SMARCB1: variants seen among roughly 807,000 people sequenced by gnomAD.
SMARCB1 encodes the protein SWI/SNF-related matrix-associated actin-dependent regulator of chromatin subfamily B member 1.
SMARCB1 carries 5 observed loss-of-function variants against 49.0 expected under a neutral mutation model. That is an observed-to-expected ratio of 0.10 (90% confidence interval 0.05 to 0.21). The LOEUF is 0.21. Ranked by LOEUF, SMARCB1 falls within the 10% of genes least tolerant of loss-of-function variation. The pLI is 1.00. For synonymous variants in SMARCB1, 201 were observed against 200.1 expected, an observed-to-expected ratio of 1.00 and a Z score of -0.04; for missense variants, 226 against 509.2, an observed-to-expected ratio of 0.44 and a Z score of 5.35.
intron 6 of SMARCB1, chr22:23,817,754 T>A (rs1184238342): frequency 6.6e-6 from 1 of 152,226 alleles, no homozygotes; most frequent in Non-Finnish European, 1.5e-5. Context: ...GGCACTTTAC[T>A]AAGATTTTGG....
intron 5 of SMARCB1, among the ~76,000 whole-genome samples, chr22:23,810,578 T>TTGAGACA: frequency 6.9e-6 from 1 of 145,232 alleles, no homozygotes; most frequent in Non-Finnish European, 1.5e-5. Context: ...AGAAGAAACA[T>TTGAGACA]TGAGACATCA....
intron 6 of SMARCB1, chr22:23,824,897 G>C (rs1329950772): frequency 4.5e-6 from 2 of 445,622 alleles, no homozygotes; most frequent in Non-Finnish European, 8.3e-6. Context: ...GGCAGCAGGA[G>C]CGAAGGGCAG....
In SMARCB1 at chr22:23,835,838, TGGGAGGTGCCG is replaced by T; in HGVS notation, c.*1661_*1671del. 1 of 985,060 alleles carries T rather than the reference TGGGAGGTGCCG, an allele frequency of 1.0e-6. No individual in the cohort carries two copies. 61.0% of individuals were successfully genotyped at this position (985,060 alleles called of 1,614,324 possible). A position where few individuals can be genotyped will look rare whatever the true frequency, so the allele number is the denominator to read the frequency against. ...CACAGGTCGGGCAGGGCCACCTGGC[TGGGAGGTGCCG>T]GGAAGGCTGGGCCCTCACTCCTGAC... On this transcript the variant is annotated 3_prime_UTR_variant, in exon 9 of 9. Transcript: ENST00000644036.
At chr22:23,818,072 C>G (rs886233794) in intron 6 of SMARCB1, 4 of 152,128 alleles carry the variant, frequency 2.6e-5, no homozygotes, top group African/African-American at 9.7e-5. Flanking sequence ...GTGATCCACC[C>G]ACCTCAGCCT....
chr22:23,803,791 A>G, intron 5 of SMARCB1: 1 of 366,438 alleles, frequency 2.7e-6, no homozygotes, highest in South Asian at 2.3e-5. Context: ...CTGCTGTGTG[A>G]GGCTGCATGT....
intron 5 of SMARCB1, chr22:23,816,124 A>G (rs902476732): frequency 1.3e-5 from 2 of 154,646 alleles, no homozygotes; most frequent in East Asian, 1.9e-4. Flanking sequence ...GCGTCTTGTC[A>G]GTACGGTCTG....
Position 23,825,248 on chromosome 22 carries a change from T to C in SMARCB1, c.819T>C (p.Ile273=), listed in dbSNP as rs1379954741. 1.2e-6 allele frequency: 2 copies of C among 1,614,024 alleles called. No individual in the cohort carries two copies. The highest frequency in any genetic ancestry group is 1.3e-5 in the African/African-American group (1 of 74,942). ...IIKLNIHVGN[I]SLVDQFEWDM... ...AGCTGAACATCCATGTGGGAAACATTTCCCTGGTGGACCAGTTTGAGTGGG... is the reference window on the plus strand; with the variant it reads ...AGCTGAACATCCATGTGGGAAACATCTCCCTGGTGGACCAGTTTGAGTGGG... The change falls in exon 7 of 9, where the codon ATT becomes ATC. Residue 273 remains isoleucine, a synonymous_variant. Transcript: ENST00000644036.
Position 23,809,306 on chromosome 22 carries a change from T to C in SMARCB1, c.628+5884T>C, listed in dbSNP as rs1357512755. Among the ~76,000 whole-genome samples the C allele has an allele frequency of 7.4e-5, 11 of 148,842 alleles. No homozygotes were observed. The South Asian group carries it at 1.3e-3, about 17-fold the overall frequency. On this transcript the variant is annotated intron_variant, in intron 5 of 8. Coordinates refer to ENST00000644036, the MANE Select transcript of SMARCB1 (RefSeq NM_003073.5). ...TTTTTTTTTTTTGAGACGGAGTTTC[T>C]GCTCTTGTTGCCCAGGCTGGAGTGC...
rs2031197941 is a variant in SMARCB1 at position 23,837,702 on chromosome 22, GCCCATGAGCGC to G, written c.*3525_*3535del. 3 of 1,613,946 alleles carry G rather than the reference GCCCATGAGCGC, an allele frequency of 1.9e-6. No homozygotes were observed. Among genetic ancestry groups the G allele is most frequent in the Non-Finnish European group, 2.5e-6 (3 of 1,179,994 alleles). The stretch of plus-strand genomic sequence containing the variant: ...TGGAGTTGCCCAGCAGCAGCGAGAA[GCCCATGAGCGC>G]CCAAGGCAGGAACGGTGCCTGGAAA... On this transcript the variant is annotated 3_prime_UTR_variant, in exon 9 of 9. Transcript: ENST00000644036.
rs1260708040 is a variant in SMARCB1 at position 23,835,783 on chromosome 22, G to C, written c.*1603G>C. On this transcript the variant is annotated 3_prime_UTR_variant, in exon 9 of 9. Coordinates refer to ENST00000644036, the MANE Select transcript of SMARCB1 (RefSeq NM_003073.5). Reference sequence around the variant, plus strand: ...GCAGCCCTGTGTCTCCACAACTGGGGGGATGGAAGGAACCTTGGCTGCCTC... The same window carrying C: ...GCAGCCCTGTGTCTCCACAACTGGGCGGATGGAAGGAACCTTGGCTGCCTC... 6.1e-6 allele frequency: 6 copies of C among 985,396 alleles called. No individual in the cohort carries two copies. 61.0% of individuals were successfully genotyped at this position (985,396 alleles called of 1,614,324 possible).
chr22:23,789,672 C>T (rs1354880341), intron 1 of SMARCB1, among the ~76,000 whole-genome samples: 2 of 152,204 alleles, frequency 1.3e-5, no homozygotes, highest in Non-Finnish European at 2.9e-5. Flanking sequence ...AATAATCTTC[C>T]TGAGACCCAG....
chr22:23,819,825 T>C (rs1337929710), intron 6 of SMARCB1, among the ~76,000 whole-genome samples: 2 of 151,432 alleles, frequency 1.3e-5, no homozygotes, highest in African/African-American at 4.9e-5. Context: ...CTTGTTAGTT[T>C]TTCTTTTCTT....
rs1166157626 is a variant in SMARCB1 at position 23,797,000 on chromosome 22, C to CT, written c.362+3329dup. On this transcript the variant is annotated intron_variant, in intron 3 of 8. Transcript: ENST00000644036. The stretch of plus-strand genomic sequence containing the variant: ...TTGCAATGGAAGGAAGGTTGTTTTT[C>CT]TTTTTTTTTTTTTTTTTGAGACGGA... Among the ~76,000 whole-genome samples, 769 of 135,378 alleles carry CT rather than the reference C, an allele frequency of 5.7e-3. 3 individuals carry two copies. The highest frequency in any genetic ancestry group is 0.012 in the African/African-American group (427 of 35,640). The allele number at this position is 135,378 out of a possible 152,430, so 88.8% of individuals were successfully genotyped here.
intron 6 of SMARCB1, chr22:23,823,008 T>A: frequency 8.5e-6 from 1 of 118,248 alleles, no homozygotes; most frequent in Non-Finnish European, 1.6e-5. Flanking sequence ...TGACACAGAG[T>A]CTCGCTGTGT....
Position 23,800,981 on chromosome 22 carries a change from A to C in SMARCB1, c.400A>C (p.Thr134Pro). 6.2e-7 allele frequency: 1 copy of C among 1,613,818 alleles called. No individual in the cohort carries two copies. Among genetic ancestry groups the C allele is most frequent in the Non-Finnish European group, 8.5e-7 (1 of 1,179,926 alleles). ...KAKRNSQWVP[T>P]LPNSSHHLDA... is the part of the protein sequence containing the mutation. ...CAAGAGGAACAGCCAGTGGGTACCC[A>C]CCCTGCCCAACAGCTCCCACCACTT... The change falls in exon 4 of 9, where the codon ACC becomes CCC. Residue 134 changes from threonine to proline, a missense_variant. Thr to Pro is a conservative substitution (Grantham distance 38, BLOSUM62 -1). Transcript: ENST00000644036.
chr22:23,821,053 C>G (rs2030059382), intron 6 of SMARCB1, among the ~76,000 whole-genome samples: 2 of 152,232 alleles, frequency 1.3e-5, no homozygotes, highest in South Asian at 4.1e-4. Context: ...AGGAGCCATA[C>G]AGGAAGTTGC....
intron 7 of SMARCB1, chr22:23,825,682 C>T (rs1026065034): frequency 1.3e-4 from 68 of 519,156 alleles, no homozygotes; most frequent in Non-Finnish European, 1.0e-4. Flanking sequence ...CTTGCCTCCA[C>T]GGAGCCCTGG....
At chr22:23,810,527 CA>C (rs201408640) in intron 5 of SMARCB1, among the ~76,000 whole-genome samples, 31 of 79,566 alleles carry the variant, frequency 3.9e-4, no homozygotes, top group African/African-American at 1.2e-3. Flanking sequence ...GACTCTGTCT[CA>C]AAAAAAAAAA....
Position 23,825,281 on chromosome 22 carries a change from A to G in SMARCB1, c.852A>G (p.Ser284=), listed in dbSNP as rs138735048. 4 of 1,614,042 alleles carry G rather than the reference A, an allele frequency of 2.5e-6. No individual in the cohort carries two copies. The highest frequency in any genetic ancestry group is 3.4e-6 in the Non-Finnish European group (4 of 1,179,968). The change falls in exon 7 of 9, where the codon TCA becomes TCG. Residue 284 remains serine (S), a synonymous_variant. Coordinates refer to ENST00000644036, the MANE Select transcript of SMARCB1 (RefSeq NM_003073.5). The part of the protein sequence containing the change: ...SLVDQFEWDM[S]EKENSPEKFA... Reference sequence around the variant, plus strand: ...TGGACCAGTTTGAGTGGGACATGTCAGAGAAGGAGAACTCACCAGAGAAGT... The same window carrying G: ...TGGACCAGTTTGAGTGGGACATGTCGGAGAAGGAGAACTCACCAGAGAAGT...
Sources: allele counts gnomAD v4.1 joint callset (sites outside exome capture counted in the v4.1 genomes callset), GRCh38; gene constraint gnomAD v4.1.1; transcripts MANE v1.5; gene names NCBI Gene and HGNC (gene_info 2026-07-23, HGNC 2026-07-21).